The following POLG2 variants were observed in gnomAD, a reference collection of about 807,000 sequenced individuals.
POLG2 encodes the protein DNA polymerase subunit gamma-2.
A neutral mutation model predicts 56.5 loss-of-function variants in POLG2; 50 were observed. That is an observed-to-expected ratio of 0.88 (90% CI 0.71 to 1.12). The LOEUF is 1.12. Ranked by LOEUF, POLG2 falls within the 50% of genes most tolerant of loss-of-function variation. The probability of loss-of-function intolerance (pLI) is 0.00; values close to 1 mark genes in which losing one functional copy is unlikely to be tolerated. For missense variants in POLG2, 584 were observed against 583.3 expected (o/e 1.00, Z -0.01); for synonymous variants, 226 against 222.6 (o/e 1.02, Z -0.14).
At chr17:64,479,631 T>G (rs1390609228) in intron 7 of POLG2, among the ~76,000 whole-genome samples, 3 of 151,828 alleles carry the variant, frequency 2.0e-5, no homozygotes, top group Non-Finnish European at 2.9e-5. Context: ...ATTAATGAAA[T>G]AGCATGGGGT....
At chr17:64,495,061 C>T (rs565778889) in intron 1 of POLG2, among the ~76,000 whole-genome samples, 9 of 151,594 alleles carry the variant, frequency 5.9e-5, no homozygotes, top group Non-Finnish European at 1.0e-4. Context: ...TAGTCTAGTC[C>T]CAGCTACTCG....
intron 5 of POLG2, 63 bp from the exon 6 acceptor site, chr17:64,483,062 TATAAC>T (rs1555666828): frequency 3.7e-6 from 3 of 819,712 alleles, no homozygotes; most frequent in Admixed American, 4.1e-5. Context: ...TTTGTTTAAA[TATAAC>T]ACAAGTTTAA....
At chr17:64,480,007 C>T (rs1555666174) in intron 7 of POLG2, among the ~76,000 whole-genome samples, 1 of 152,198 alleles carries the variant, frequency 6.6e-6, no homozygotes, top group Non-Finnish European at 1.5e-5. Context: ...CACATGCTCT[C>T]TACATACATA....
intron 3 of POLG2, 115 bp downstream of exon 3, chr17:64,492,552 T>C (rs1447522237): frequency 1.5e-6 from 1 of 675,962 alleles, no homozygotes; most frequent in Non-Finnish European, 2.6e-6. Context: ...ATTTGTATAA[T>C]ATATTAATAG....
At position 64,496,602 on chromosome 17, in the gene POLG2, C is replaced by G. The variant is rs377428467; in HGVS notation, c.367G>C (p.Glu123Gln). The change falls in exon 1 of 8, where the codon GAG becomes CAG. Residue 123 changes from glutamate to glutamine, a missense_variant. By Grantham distance (29) the Glu-to-Gln change is conservative. Coordinates refer to ENST00000539111, the MANE Select transcript of POLG2 (RefSeq NM_007215.4). ...EWWTSVVVFREQVFPVDALHH... is the reference protein window; with the variant it reads ...EWWTSVVVFRQQVFPVDALHH... The stretch of plus-strand genomic sequence containing the variant: ...AGGGCGTCCACCGGGAATACCTGCT[C>G]CCTGAACACCACCACCGAGGTCCAC... The G allele has an allele frequency of 2.5e-6, 4 of 1,613,840 alleles. No homozygotes were observed. Among genetic ancestry groups the G allele is most frequent in the Middle Eastern group, 1.6e-4 (1 of 6,062 alleles).
intron 4 of POLG2, chr17:64,486,979 C>A (rs1555667595): frequency 6.6e-6 from 1 of 152,102 alleles, no homozygotes; most frequent in African/African-American, 2.4e-5. Flanking sequence ...TGGATAAAAA[C>A]AGTTCCACTT....
chr17:64,485,746 C>G lies in POLG2; in HGVS notation c.1092G>C (p.Lys364Asn). The change falls in exon 5 of 8, where the codon AAG (lysine) becomes AAC (asparagine). Residue 364 changes from lysine to asparagine, a missense_variant. Physicochemically the swap from Lys to Asn is moderately conservative, Grantham distance 94 (BLOSUM62 0). Transcript: ENST00000539111. ...FQLTENSFTR[K>N]KNLHRKVLKL... ...ACAGCACCTTTCTATGAAGATTTTTCTTTCTTGTAAAGGAGTTCTCTGTCA... is the reference window on the plus strand; with the variant it reads ...ACAGCACCTTTCTATGAAGATTTTTGTTTCTTGTAAAGGAGTTCTCTGTCA... 1.2e-6 allele frequency: 2 copies of G among 1,613,222 alleles called. No homozygotes were observed. Among genetic ancestry groups the G allele is most frequent in the South Asian group, 2.2e-5 (2 of 91,062 alleles).
rs1468776985 is a variant in POLG2 at position 64,496,992 on chromosome 17, A to T, written c.-24T>A. 3 of 1,591,816 alleles carry T rather than the reference A, an allele frequency of 1.9e-6. No homozygotes were observed. The highest frequency in any genetic ancestry group is 1.7e-5 in the Admixed American group (1 of 59,962). ...ATCTCTCTCCGAAGTTAAAGAGCAC[A>T]CTCTCCCATCACTCAACGGATCCCA... On this transcript the variant is annotated 5_prime_UTR_variant, in exon 1 of 8. Coordinates refer to ENST00000539111, the MANE Select transcript of POLG2 (RefSeq NM_007215.4).
At position 64,497,010 on chromosome 17, in the gene POLG2, G is replaced by T; in HGVS notation, c.-42C>A. 9 of 1,559,472 alleles carry T rather than the reference G, an allele frequency of 5.8e-6. No homozygotes were observed. The highest frequency in any genetic ancestry group is 7.9e-6 in the Non-Finnish European group (9 of 1,143,168). On this transcript the variant is annotated 5_prime_UTR_variant, in exon 1 of 8. Transcript: ENST00000539111. ...AGAGCACACTCTCCCATCACTCAAC[G>T]GATCCCAACAAGCCACCACTACCGT...
rs782570089 is a variant in POLG2, at chr17:64,496,781, C to G, written c.188G>C (p.Gly63Ala). The G allele has an allele frequency of 6.2e-7, 1 of 1,613,946 alleles. No homozygotes were observed. The highest frequency in any genetic ancestry group is 8.5e-7 in the Non-Finnish European group (1 of 1,180,026). Residue 63 changes from glycine to alanine, a missense_variant, in exon 1 of 8, where the codon GGA (glycine) becomes GCA (alanine). Transcript: ENST00000539111. ...CTCTAACAGCGCCTCGCTTCCCTCT[C>G]CAGACCCGGGGGCTTCTGGGTGCTC... Reference protein sequence around the residue: ...NGEHPEAPGSGEGSEALLEIC... With the variant: ...NGEHPEAPGSAEGSEALLEIC...
At chr17:64,487,896 C>T (rs958597449) in intron 4 of POLG2, among the ~76,000 whole-genome samples, 7 of 151,940 alleles carry the variant, frequency 4.6e-5, no homozygotes, top group African/African-American at 1.7e-4. Flanking sequence ...ATTGGATATC[C>T]AACAATGTCA....
chr17:64,482,755 G>C (rs1555666743), intron 6 of POLG2, among the ~76,000 whole-genome samples, 164 bp downstream of exon 6: 2 of 152,168 alleles, frequency 1.3e-5, no homozygotes, highest in Non-Finnish European at 2.9e-5. Context: ...CTGAAACCTT[G>C]AGTTCAAAGG....
At chr17:64,482,040 A>G (rs1358378045) in intron 6 of POLG2, among the ~76,000 whole-genome samples, 1 of 150,988 alleles carries the variant, frequency 6.6e-6, no homozygotes, top group African/African-American at 2.4e-5. Context: ...TCTTTAACAC[A>G]CTTCAAAATT....
chr17:64,483,054 TGTTTAAATATAACACAA>T (rs1230240222), intron 5 of POLG2, 55 bp from the exon 6 acceptor site: 28 of 860,666 alleles, frequency 3.3e-5, no homozygotes, highest in African/African-American at 1.7e-4. Flanking sequence ...AAGCATAGTT[TGTTTAAATATAACACAA>T]GTTTAAATAT....
intron 7 of POLG2, among the ~76,000 whole-genome samples, chr17:64,479,015 A>G (rs938300376): frequency 6.6e-6 from 1 of 152,218 alleles, no homozygotes; most frequent in Non-Finnish European, 1.5e-5. Flanking sequence ...CCTTTACCAT[A>G]TAAAGAACAA....
rs782575432 is a variant in POLG2, at chr17:64,477,949, A to G, written c.1332T>C (p.Thr444=). 2.4e-5 allele frequency: 38 copies of G among 1,613,870 alleles called. No individual in the cohort carries two copies. In the East Asian group the frequency reaches 8.5e-4, roughly 36 times the overall value. The change falls in exon 8 of 8, where the codon ACT becomes ACC. Residue 444 remains threonine, a synonymous_variant. Transcript: ENST00000539111. ...TTAATCCATTCTCCAAAGTAGTTTC[A>G]GTAACCAAAACTGTGAAGAGAATAC... ...EMSILFTVLV[T]ETTLENGLIH... is the part of the protein sequence containing the mutation.
At chr17:64,491,062 C>G in intron 3 of POLG2, 93 bp from the exon 4 acceptor site, 1 of 1,005,290 alleles carries the variant, frequency 9.9e-7, no homozygotes, top group African/African-American at 1.6e-5. Flanking sequence ...TTGTCCGATA[C>G]TTTTTATTCA....
chr17:64,492,798 G>T, intron 2 of POLG2, 26 bp from the exon 3 acceptor site: 1 of 1,596,840 alleles, frequency 6.3e-7, no homozygotes, highest in Non-Finnish European at 8.6e-7. Context: ...GTATCAGGAA[G>T]TTAGCTTATC....
chr17:64,480,341 A>T lies in POLG2; in HGVS notation c.1240T>A (p.Trp414Arg). ...NELLENGISV[W>R]PGYLETMQSS... is the part of the protein sequence containing the mutation. ...TGCATAGTTTCCAAATAACCAGGCC[A>T]CACAGAAATCCCATTTTCTAGTAAC... is the stretch of plus-strand genomic sequence containing the variant. Residue 414 changes from tryptophan (W) to arginine (R), a missense_variant, in exon 7 of 8, where the codon TGG (tryptophan) becomes AGG (arginine). By Grantham distance (101) the Trp-to-Arg change is moderately radical. Transcript: ENST00000539111. The T allele has an allele frequency of 6.2e-7, 1 of 1,602,472 alleles. No homozygotes were observed. Among genetic ancestry groups the T allele is most frequent in the Non-Finnish European group, 8.5e-7 (1 of 1,170,560 alleles).
Sources: allele counts gnomAD v4.1 joint callset (sites outside exome capture counted in the v4.1 genomes callset), GRCh38; gene constraint gnomAD v4.1.1; transcripts MANE v1.5; gene names NCBI Gene and HGNC (gene_info 2026-07-23, HGNC 2026-07-21).